The following DOCK3 variants were observed in gnomAD, a reference collection of about 807,000 sequenced individuals.
DOCK3 encodes the protein dedicator of cytokinesis protein 3.
DOCK3 carries 60 observed loss-of-function variants against 265.6 expected under a neutral mutation model. The observed-to-expected ratio is 0.23, with a 90% CI of 0.18 to 0.28. The LOEUF is 0.28. DOCK3 is among the 10% of genes least tolerant of loss of function. The pLI is 1.00. For missense variants in DOCK3, 1,981 were observed against 2,594.3 expected (o/e 0.76, Z 5.14); for synonymous variants, 881 against 938.0 (o/e 0.94, Z 1.11).
chr3:50,886,744 A>G (rs1195609984), intron 3 of DOCK3, among the ~76,000 whole-genome samples: 1 of 152,078 alleles, frequency 6.6e-6, no homozygotes, highest in Non-Finnish European at 1.5e-5. Flanking sequence ...ACATGAACTC[A>G]TCATTTTTTA....
At chr3:51,236,468 C>A in intron 20 of DOCK3, 40 bp downstream of exon 20, 1 of 1,544,624 alleles carries the variant, frequency 6.5e-7, no homozygotes, top group South Asian at 1.2e-5. Flanking sequence ...ATTAATTATT[C>A]CTGTCATATA....
chr3:50,734,486 A>G (rs1289347101), intron 1 of DOCK3, among the ~76,000 whole-genome samples: 1 of 152,148 alleles, frequency 6.6e-6, no homozygotes, highest in Non-Finnish European at 1.5e-5. Flanking sequence ...TGGGCAACAG[A>G]GCAAGACTCT....
intron 5 of DOCK3, among the ~76,000 whole-genome samples, chr3:50,943,408 A>C (rs951945213): frequency 6.6e-6 from 1 of 152,138 alleles, no homozygotes; most frequent in Non-Finnish European, 1.5e-5. Context: ...CCATTAAAAA[A>C]ATTTAAATAG....
intron 4 of DOCK3, among the ~76,000 whole-genome samples, chr3:50,906,553 AG>A (rs1346587566): frequency 1.3e-5 from 2 of 151,978 alleles, no homozygotes; most frequent in Non-Finnish European, 2.9e-5. Flanking sequence ...ATTTGTGTAG[AG>A]GTGTTTATAG....
At chr3:51,046,556 A>G (rs1482726211) in intron 5 of DOCK3, among the ~76,000 whole-genome samples, 1 of 152,210 alleles carries the variant, frequency 6.6e-6, no homozygotes, top group East Asian at 1.9e-4. Context: ...TTATAAATAT[A>G]TATGCACTCA....
chr3:50,737,329 G>C lies in DOCK3; in HGVS notation c.38-41346G>C, dbSNP rs543299618. On this transcript the variant is annotated intron_variant, in intron 1 of 52. Transcript: ENST00000266037. ...AAATGGCAGGAGCAGGACCAAGACAGGGGGTGGGGAGGGAATGTGCTACAC... is the reference window on the plus strand; with the variant it reads ...AAATGGCAGGAGCAGGACCAAGACACGGGGTGGGGAGGGAATGTGCTACAC... Among the ~76,000 whole-genome samples the C allele has an allele frequency of 9.9e-5, 15 of 152,228 alleles. No individual in the cohort carries two copies. The South Asian group carries it at 3.1e-3, about 32-fold the overall frequency.
intron 2 of DOCK3, among the ~76,000 whole-genome samples, chr3:50,798,885 A>T (rs577709079): frequency 8.6e-5 from 13 of 152,044 alleles, no homozygotes; most frequent in Admixed American, 2.6e-4. Flanking sequence ...ATTTACTTTC[A>T]GTTGATTTTT....
At chr3:51,278,593 C>T (rs1472752882) in intron 26 of DOCK3, 1 of 952,316 alleles carries the variant, frequency 1.1e-6, no homozygotes, top group African/African-American at 1.9e-5. Context: ...CTGTTGAAGG[C>T]ACTCTCACTG....
intron 5 of DOCK3, among the ~76,000 whole-genome samples, chr3:51,027,230 A>G (rs6445717): frequency 0.9 from 137,143 of 152,122 alleles, 62,013 homozygotes; most frequent in African/African-American, 0.95. Context: ...GAAGCAACTC[A>G]TTTAGTTCCC....
intron 1 of DOCK3, among the ~76,000 whole-genome samples, chr3:50,701,293 T>G (rs1163973953): frequency 1.3e-5 from 2 of 152,082 alleles, no homozygotes; most frequent in Non-Finnish European, 2.9e-5. Flanking sequence ...AATTTTTAAA[T>G]TTTTTGTAGA....
Position 51,356,170 on chromosome 3 carries a change from G to C in DOCK3, c.4331G>C (p.Ser1444Thr). The C allele has an allele frequency of 6.2e-7, 1 of 1,613,998 alleles. No individual in the cohort carries two copies. The highest frequency in any genetic ancestry group is 1.1e-5 in the South Asian group (1 of 91,082). Reference sequence around the variant, plus strand: ...GATAGGGTACCAGATCGAGTCAAGAGCTTCTATCGCGTCAACAATGTGAGG... The same window carrying C: ...GATAGGGTACCAGATCGAGTCAAGACCTTCTATCGCGTCAACAATGTGAGG... ...QMDRVPDRVK[S>T]FYRVNNVRKF... Residue 1444 changes from serine to threonine, a missense_variant, in exon 42 of 53, where the codon AGC becomes ACC. This residue lies in a region of DOCK3 where 1,357 missense variants were observed against 1,866.8 expected (regional missense o/e 0.73). Transcript: ENST00000266037.
chr3:50,892,353 T>C (rs2048680781), intron 4 of DOCK3, among the ~76,000 whole-genome samples: 1 of 152,092 alleles, frequency 6.6e-6, no homozygotes, highest in African/African-American at 2.4e-5. Context: ...GATTTAACAA[T>C]GGTATACCAA....
chr3:50,774,703 C>T (rs1039144977), intron 1 of DOCK3, among the ~76,000 whole-genome samples: 30 of 151,992 alleles, frequency 2.0e-4, no homozygotes, highest in African/African-American at 6.3e-4. Flanking sequence ...TTTGCATCGA[C>T]TGGTCCTGCA....
chr3:51,224,340 G>A (rs1031494686), intron 14 of DOCK3, among the ~76,000 whole-genome samples: 8 of 152,156 alleles, frequency 5.3e-5, no homozygotes, highest in Admixed American at 3.9e-4. Flanking sequence ...GACTAGTCAC[G>A]AAGACCCTGA....
intron 9 of DOCK3, among the ~76,000 whole-genome samples, chr3:51,099,397 G>A (rs972245792): frequency 6.6e-6 from 1 of 152,170 alleles, no homozygotes; most frequent in African/African-American, 2.4e-5. Flanking sequence ...AATTTTTAAT[G>A]TATCATCCTA....
chr3:50,988,808 C>T (rs2077997056), intron 5 of DOCK3, among the ~76,000 whole-genome samples: 1 of 152,150 alleles, frequency 6.6e-6, no homozygotes, highest in Admixed American at 6.5e-5. Context: ...TGTGGTCACC[C>T]ATTCCCATAT....
intron 3 of DOCK3, among the ~76,000 whole-genome samples, chr3:50,848,960 C>T (rs6778348): frequency 0.022 from 3,278 of 152,032 alleles, 97 homozygotes; most frequent in African/African-American, 0.07. Flanking sequence ...TTACATAATC[C>T]CATATTTGTT....
chr3:51,333,544 G>A (rs1270110949), intron 35 of DOCK3, among the ~76,000 whole-genome samples: 1 of 152,150 alleles, frequency 6.6e-6, no homozygotes, highest in Admixed American at 6.5e-5. Flanking sequence ...AAGGGTCAAG[G>A]CTCAGAGGAA....
intron 1 of DOCK3, among the ~76,000 whole-genome samples, chr3:50,756,587 T>A (rs921247772): frequency 6.6e-6 from 1 of 152,080 alleles, no homozygotes; most frequent in Admixed American, 6.5e-5. Context: ...TACCTAGGAG[T>A]GGAAATGCTA....
Sources: gnomAD v4.1 joint callset for allele counts (sites outside exome capture counted in the v4.1 genomes callset) on GRCh38, gnomAD v4.1.1 for gene constraint, gnomAD v4.1.1 regional missense constraint, MANE v1.5 for transcripts, NCBI Gene and HGNC (gene_info 2026-07-23, HGNC 2026-07-21) for gene names.